The following ZSCAN25 variants were observed in gnomAD, a reference collection of about 807,000 sequenced individuals.
The protein encoded by ZSCAN25 is zinc finger and SCAN domain-containing protein 25.
Under a neutral mutation model 38.7 loss-of-function variants are expected in ZSCAN25, and 27 were observed. That is an observed-to-expected ratio of 0.70 (90% CI 0.51 to 0.96). ZSCAN25 has a LOEUF of 0.96. Among genes scored for constraint, ZSCAN25 ranks in the 40% least tolerant of loss-of-function variants. ZSCAN25 has a pLI of 0.00. For synonymous variants in ZSCAN25, 273 were observed against 277.7 expected (o/e 0.98, Z 0.17); for missense variants, 637 against 705.9 (o/e 0.90, Z 1.11).
At chr7:99,623,962 G>A in intron 6 of ZSCAN25, 95 bp from the exon 7 acceptor site, 1 of 1,553,744 alleles carries the variant, frequency 6.4e-7, no homozygotes, top group Non-Finnish European at 8.8e-7. Context: ...ACTGTTGGGA[G>A]GAAGCTGGTT....
At chr7:99,635,343 A>G (rs756667184), downstream of ZSCAN25, among the ~76,000 whole-genome samples, 4 of 152,336 alleles carry the variant, frequency 2.6e-5, no homozygotes, top group Admixed American at 6.5e-5. Context: ...ATAAATTCAC[A>G]TAAATACAGA....
chr7:99,709,555 T>G, the ZSCAN25 span, among the ~76,000 whole-genome samples: 3 of 152,090 alleles, frequency 2.0e-5, no homozygotes, highest in South Asian at 2.1e-4. Context: ...GAAGCAAACA[T>G]GACTAATAGG....
chr7:99,685,355 CTA>C, the ZSCAN25 span: 1 of 1,342,370 alleles, frequency 7.4e-7, no homozygotes, highest in Non-Finnish European at 1.0e-6. Context: ...CCATTACAAA[CTA>C]TGTGGAAATT....
chr7:99,651,277 C>T, the ZSCAN25 span, among the ~76,000 whole-genome samples: 6 of 152,106 alleles, frequency 3.9e-5, no homozygotes, highest in South Asian at 1.0e-3. Flanking sequence ...CACACATATA[C>T]GTATATATCA....
the ZSCAN25 span, chr7:99,713,573 A>G: frequency 1.2e-6 from 2 of 1,612,464 alleles, no homozygotes; most frequent in Non-Finnish European, 1.7e-6. Flanking sequence ...ACAGAAAGTG[A>G]CTCGTGAAGT....
Position 99,629,452 on chromosome 7 carries a change from G to T in ZSCAN25, c.1067G>T (p.Gly356Val). 6.2e-7 allele frequency: 1 copy of T among 1,614,224 alleles called. No homozygotes were observed. Among genetic ancestry groups the T allele is most frequent in the Non-Finnish European group, 8.5e-7 (1 of 1,180,040 alleles). ...TTCCAGTGCCCTGAGTGTGGGAAAGGATTCAGTCGGAGCTCCAATCTCGTC... is the reference window on the plus strand; with the variant it reads ...TTCCAGTGCCCTGAGTGTGGGAAAGTATTCAGTCGGAGCTCCAATCTCGTC... ...KPFQCPECGK[G>V]FSRSSNLVRH... Residue 356 changes from glycine to valine, a missense_variant, in exon 8 of 8, where the codon GGA (glycine) becomes GTA (valine). Coordinates refer to ENST00000394152, the MANE Select transcript of ZSCAN25 (RefSeq NM_145115.3). This position sits in a 1 kb window ranked among gnomAD's most constrained non-coding sequence, Gnocchi z 5.6.
At chr7:99,668,485 AT>A in the ZSCAN25 span, among the ~76,000 whole-genome samples, 14 of 152,074 alleles carry the variant, frequency 9.2e-5, no homozygotes, top group Non-Finnish European at 1.8e-4. Context: ...TTTTTTTGCA[AT>A]TTTTTTTGTA....
chr7:99,627,514 TACAGCTTCACACCATG>T (rs1220464923), intron 7 of ZSCAN25, among the ~76,000 whole-genome samples: 1 of 152,108 alleles, frequency 6.6e-6, no homozygotes, highest in African/African-American at 2.4e-5. Flanking sequence ...AAGAATAAAC[TACAGCTTCACACCATG>T]ATATAGGTGA....
At chr7:99,724,155 C>T in the ZSCAN25 span, among the ~76,000 whole-genome samples, 2 of 152,164 alleles carry the variant, frequency 1.3e-5, no homozygotes, top group Non-Finnish European at 2.9e-5. Flanking sequence ...CTATGGGCAA[C>T]CTTCCAGCCT....
At chr7:99,655,695 T>A in the ZSCAN25 span, among the ~76,000 whole-genome samples, 1 of 152,246 alleles carries the variant, frequency 6.6e-6, no homozygotes, top group Non-Finnish European at 1.5e-5. Context: ...ATGATATTGA[T>A]TCTTCCTACC....
chr7:99,650,319 C>G, the ZSCAN25 span: 1 of 1,196,492 alleles, frequency 8.4e-7, no homozygotes, highest in Non-Finnish European at 1.2e-6. Context: ...AGAACAACCC[C>G]CCTCCACCTC....
chr7:99,651,456 A>C, the ZSCAN25 span, among the ~76,000 whole-genome samples: 1 of 152,208 alleles, frequency 6.6e-6, no homozygotes, highest in African/African-American at 2.4e-5. Context: ...GTATTAGTGC[A>C]GCCACAGGAG....
chr7:99,727,921 C>T, the ZSCAN25 span, among the ~76,000 whole-genome samples: 1 of 152,210 alleles, frequency 6.6e-6, no homozygotes, highest in Non-Finnish European at 1.5e-5. Flanking sequence ...AAAAATTCTT[C>T]TCAAGGCCAC....
the ZSCAN25 span, chr7:99,663,013 T>C: frequency 1.4e-6 from 2 of 1,452,338 alleles, no homozygotes. Flanking sequence ...TGAAGACGTG[T>C]TACCTGAGTC....
Position 99,630,533 on chromosome 7 carries a change from T to C in ZSCAN25, c.*513T>C, listed in dbSNP as rs1005073228. ...ACGTGATGCCTCTGGGGGTTGTGCG[T>C]TGGGGATGCATGCGACAGCCCATGA... is the stretch of plus-strand genomic sequence containing the variant. On this transcript the variant is annotated 3_prime_UTR_variant, in exon 8 of 8. Coordinates refer to ENST00000394152, the MANE Select transcript of ZSCAN25 (RefSeq NM_145115.3). 2 of 989,732 alleles carry C rather than the reference T, an allele frequency of 2.0e-6. No individual in the cohort carries two copies. The highest frequency in any genetic ancestry group is 2.4e-6 in the Non-Finnish European group (2 of 832,920). 61.3% of individuals were successfully genotyped at this position (989,732 alleles called of 1,614,324 possible).
chr7:99,712,104 A>G, the ZSCAN25 span, among the ~76,000 whole-genome samples: 1 of 152,202 alleles, frequency 6.6e-6, no homozygotes, highest in Non-Finnish European at 1.5e-5. Flanking sequence ...TCCTGAGAGA[A>G]GCTCAGGATG....
At chr7:99,704,765 C>T in the ZSCAN25 span, among the ~76,000 whole-genome samples, 1 of 152,000 alleles carries the variant, frequency 6.6e-6, no homozygotes, top group Non-Finnish European at 1.5e-5. Flanking sequence ...AGATCGAGAG[C>T]ATCCTGGCTA....
Position 99,619,751 on chromosome 7 carries a change from C to T in ZSCAN25, c.145C>T (p.Arg49Cys), listed in dbSNP as rs537189724. ...ETFRLRFRQF[R>C]YQEAAGPQEA... is the part of the protein sequence containing the mutation. ...TTTTCGGCTGAGGTTTCGGCAGTTC[C>T]GCTACCAGGAGGCAGCTGGACCCCA... is the stretch of plus-strand genomic sequence containing the variant. The change falls in exon 4 of 8, where the codon CGC (arginine) becomes TGC (cysteine). Residue 49 changes from arginine (R) to cysteine (C), a missense_variant. Transcript: ENST00000394152. 7 of 1,614,234 alleles carry T rather than the reference C, an allele frequency of 4.3e-6. No individual in the cohort carries two copies. Among genetic ancestry groups the T allele is most frequent in the Admixed American group, 1.7e-5 (1 of 60,030 alleles).
chr7:99,630,494 G>A lies in ZSCAN25; in HGVS notation c.*474G>A. The A allele has an allele frequency of 1.0e-6, 1 of 997,586 alleles. No individual in the cohort carries two copies. The highest frequency in any genetic ancestry group is 1.2e-6 in the Non-Finnish European group (1 of 837,400). The allele number at this position is 997,586 out of a possible 1,614,324, so 61.8% of individuals were successfully genotyped here. A position where few individuals can be genotyped will look rare whatever the true frequency, so the allele number is the denominator to read the frequency against. ...CACCTGGCCGTGGGAATGCCGTGGTGAATGAGAGACTAGACGTGATGCCTC... is the reference window on the plus strand; with the variant it reads ...CACCTGGCCGTGGGAATGCCGTGGTAAATGAGAGACTAGACGTGATGCCTC... On this transcript the variant is annotated 3_prime_UTR_variant, in exon 8 of 8. Transcript: ENST00000394152.
Sources: allele counts gnomAD v4.1 joint callset (sites outside exome capture counted in the v4.1 genomes callset), GRCh38; gene constraint gnomAD v4.1.1; non-coding constraint Gnocchi (gnomAD v3.1); transcripts MANE v1.5; gene names NCBI Gene and HGNC (gene_info 2026-07-23, HGNC 2026-07-21).